Variants in LRIG3 observed in about 807,000 individuals in gnomAD.
LRIG3 encodes the protein leucine-rich repeats and immunoglobulin-like domains protein 3.
In LRIG3, 76 loss-of-function variants were observed where a neutral mutation model predicts 114.5. The observed-to-expected ratio is 0.66, with a 90% CI of 0.55 to 0.80. LRIG3 has a LOEUF of 0.80. Among genes scored for constraint, LRIG3 ranks in the 30% least tolerant of loss-of-function variants. LRIG3 has a pLI of 0.00. For synonymous variants in LRIG3, 512 were observed against 519.8 expected (o/e 0.98, Z 0.20); for missense variants, 1,239 against 1,382.8 (o/e 0.90, Z 1.65).
In LRIG3 at chr12:58,877,736, C is replaced by T. The variant is rs766983550; in HGVS notation, c.2200G>A (p.Asp734Asn). 1.9e-6 allele frequency: 3 copies of T among 1,614,234 alleles called. No individual in the cohort carries two copies. In the East Asian group the frequency reaches 6.7e-5, roughly 36 times the overall value. ...PPPKLNWTKD[D>N]SPLVVTERHF... is the part of the protein sequence containing the mutation. ...CTCTCGGTTACCACCAATGGGCTAT[C>T]ATCTTTGGTCCAGTTCAGTTTAGGG... is the stretch of plus-strand genomic sequence containing the variant. Residue 734 changes from aspartate to asparagine, a missense_variant, in exon 15 of 19, where the codon GAT becomes AAT. Transcript: ENST00000320743.
At chr12:58,887,046 C>CT (rs1871299808) in intron 8 of LRIG3, 156 bp from the exon 9 acceptor site, 1 of 576,290 alleles carries the variant, frequency 1.7e-6, no homozygotes, top group Non-Finnish European at 3.0e-6. Context: ...TCCAACTTAC[C>CT]TCTTACACCC....
intron 18 of LRIG3, among the ~76,000 whole-genome samples, chr12:58,873,312 A>AT (rs1870798914): frequency 6.6e-6 from 1 of 152,148 alleles, no homozygotes; most frequent in Non-Finnish European, 1.5e-5. Flanking sequence ...TATTATTTTA[A>AT]TTTTTTCCAA....
intron 3 of LRIG3, among the ~76,000 whole-genome samples, chr12:58,898,081 T>C (rs1871707810): frequency 6.6e-6 from 1 of 152,182 alleles, no homozygotes; most frequent in Non-Finnish European, 1.5e-5. Flanking sequence ...TTGTTCAAAA[T>C]GCATATGAAC....
chr12:58,878,992 C>T lies in LRIG3; in HGVS notation c.1915G>A (p.Asp639Asn), dbSNP rs1167654110. 2 of 1,614,094 alleles carry T rather than the reference C, an allele frequency of 1.2e-6. No homozygotes were observed. The highest frequency in any genetic ancestry group is 1.7e-6 in the Non-Finnish European group (2 of 1,180,050). ...GCAGCTGGGAAGTCTGTGCCCCCAT[C>T]CTTCTGCCAGGCTATCTGGGGGGCT... The part of the protein sequence containing the change: ...HPAPQIAWQK[D>N]GGTDFPAARE... Residue 639 changes from aspartate to asparagine, a missense_variant, in exon 14 of 19, where the codon GAT becomes AAT. Asp to Asn is a conservative substitution (Grantham distance 23). Transcript: ENST00000320743.
chr12:58,890,143 T>C lies in LRIG3; in HGVS notation c.516-4A>G, dbSNP rs751985376. 1.9e-6 allele frequency: 3 copies of C among 1,612,728 alleles called. No individual in the cohort carries two copies. The African/African-American group carries it at 4.0e-5, about 22-fold the overall frequency. ...GACTCGGTTGCTGTTGAGATACCTG[T>C]TGAAAGTTTAAAGATGAGCTTCTCC... On this transcript the variant is annotated splice_region_variant and splice_polypyrimidine_tract_variant and intron_variant, in intron 4 of 18. Coordinates refer to ENST00000320743, the MANE Select transcript of LRIG3 (RefSeq NM_153377.5).
chr12:58,901,687 A>C (rs1871853398), intron 3 of LRIG3, among the ~76,000 whole-genome samples: 1 of 152,238 alleles, frequency 6.6e-6, no homozygotes, highest in African/African-American at 2.4e-5. Flanking sequence ...ATGCTTTAAG[A>C]AAATCTCATA....
intron 12 of LRIG3, among the ~76,000 whole-genome samples, chr12:58,881,198 T>C (rs921653145): frequency 6.6e-6 from 1 of 152,200 alleles, no homozygotes; most frequent in Non-Finnish European, 1.5e-5. Context: ...TCCCTTATGC[T>C]TTCTATAAGT....
At position 58,876,476 on chromosome 12, in the gene LRIG3, A is replaced by G; in HGVS notation, c.2664T>C (p.Ala888=). 6.2e-7 allele frequency: 1 copy of G among 1,614,112 alleles called. No homozygotes were observed. Among genetic ancestry groups the G allele is most frequent in the South Asian group, 1.1e-5 (1 of 91,066 alleles). ...TGTCATGTTGTGGTAAGAAAAATCCAGCACCTGAAGATGTGACAAACTGGT... is the reference window on the plus strand; with the variant it reads ...TGTCATGTTGTGGTAAGAAAAATCCGGCACCTGAAGATGTGACAAACTGGT... The part of the protein sequence containing the change: ...SHHQFVTSSG[A]GFFLPQHDSS... Residue 888 remains alanine, a synonymous_variant, in exon 16 of 19, where the codon GCT becomes GCC. Transcript: ENST00000320743.
chr12:58,916,568 G>A (rs536732893), intron 1 of LRIG3, among the ~76,000 whole-genome samples: 1 of 152,078 alleles, frequency 6.6e-6, no homozygotes, highest in Non-Finnish European at 1.5e-5. Flanking sequence ...GTACAACGTC[G>A]ATGTTTTCTT....
chr12:58,910,469 G>A (rs999831672), intron 3 of LRIG3, among the ~76,000 whole-genome samples: 2 of 152,144 alleles, frequency 1.3e-5, no homozygotes, highest in South Asian at 2.1e-4. Context: ...TTAACTGGGC[G>A]TGGCAGCATG....
At chr12:58,875,525 A>T (rs1014054880) in intron 16 of LRIG3, among the ~76,000 whole-genome samples, 17 of 152,230 alleles carry the variant, frequency 1.1e-4, no homozygotes, top group African/African-American at 3.9e-4. Context: ...TTAGAATAAC[A>T]TCGATGGCTT....
intron 1 of LRIG3, among the ~76,000 whole-genome samples, chr12:58,917,564 T>C (rs111914845): frequency 1.3e-3 from 201 of 152,312 alleles, no homozygotes; most frequent in African/African-American, 4.0e-3. Context: ...ACTGATACAG[T>C]ATTATTATTT....
intron 18 of LRIG3, 84 bp from the exon 19 acceptor site, chr12:58,872,900 T>C: frequency 1.3e-6 from 2 of 1,521,176 alleles, no homozygotes; most frequent in African/African-American, 1.4e-5. Context: ...AAGGAACATC[T>C]TACCCCATGA....
At chr12:58,910,405 C>A (rs759012689) in intron 3 of LRIG3, among the ~76,000 whole-genome samples, 1 of 151,984 alleles carries the variant, frequency 6.6e-6, no homozygotes, top group Non-Finnish European at 1.5e-5. Flanking sequence ...GTCAGGAGAT[C>A]GAGACCGTCC....
At chr12:58,888,735 G>T (rs1450470880) in intron 6 of LRIG3, 84 bp downstream of exon 6, 16 of 1,501,386 alleles carry the variant, frequency 1.1e-5, no homozygotes, top group Admixed American at 8.6e-5. Context: ...TTTAACATAG[G>T]ATTTCACATA....
In LRIG3 at chr12:58,880,613, G is replaced by A; in HGVS notation, c.1769C>T (p.Ser590Phe). 2 of 1,614,030 alleles carry A rather than the reference G, an allele frequency of 1.2e-6. No individual in the cohort carries two copies. Among genetic ancestry groups the A allele is most frequent in the Non-Finnish European group, 8.5e-7 (1 of 1,179,882 alleles). ...QCVISNHFGS[S>F]YSVKAKLTVN... ...TGTAAGCTTGGCTTTGACAGAGTAG[G>A]ATGAACCAAAGTGATTGGAGATGAC... Residue 590 changes from serine (S) to phenylalanine (F), a missense_variant, in exon 13 of 19, where the codon TCC becomes TTC. Transcript: ENST00000320743.
chr12:58,919,150 G>T (rs1302295821), intron 1 of LRIG3, among the ~76,000 whole-genome samples: 1 of 152,052 alleles, frequency 6.6e-6, no homozygotes, highest in Non-Finnish European at 1.5e-5. Flanking sequence ...AACTGGGACT[G>T]AGGAAGAAAA....
rs553285810 is a variant in LRIG3 at position 58,872,536 on chromosome 12, G to A, written c.*36C>T. ...TCTTTTAAATAAAAGTTCACTTGAG[G>A]TAGTATGTTAAGCTTTTCCTTTGGT... is the stretch of plus-strand genomic sequence containing the variant. On this transcript the variant is annotated 3_prime_UTR_variant, in exon 19 of 19. Transcript: ENST00000320743. 1 of 1,524,916 alleles carries A rather than the reference G, an allele frequency of 6.6e-7. No homozygotes were observed. Among genetic ancestry groups the A allele is most frequent in the South Asian group, 1.3e-5 (1 of 75,948 alleles). 94.5% of individuals were successfully genotyped at this position (1,524,916 alleles called of 1,614,324 possible).
In LRIG3 at chr12:58,895,764, G is replaced by C. The variant is rs138434418; in HGVS notation, c.384-4968C>G. Among the ~76,000 whole-genome samples, 405 of 152,298 alleles carry C rather than the reference G, an allele frequency of 2.7e-3. 1 individual carries two copies. The highest frequency in any genetic ancestry group is 2.9e-3 in the Non-Finnish European group (194 of 68,028). On this transcript the variant is annotated intron_variant, in intron 3 of 18. Coordinates refer to ENST00000320743, the MANE Select transcript of LRIG3 (RefSeq NM_153377.5). ...GAAGAGGGCATGACCAGGCGCAAGG[G>C]CACCAATCGGAGGCTCCTAACTTCA... is the stretch of plus-strand genomic sequence containing the variant.
Sources: gnomAD v4.1 joint callset for allele counts (sites outside exome capture counted in the v4.1 genomes callset) on GRCh38, gnomAD v4.1.1 for gene constraint, MANE v1.5 for transcripts, NCBI Gene and HGNC (gene_info 2026-07-23, HGNC 2026-07-21) for gene names.